CNKSR3: variants seen among roughly 807,000 people sequenced by gnomAD.
CNKSR3 encodes connector enhancer of kinase suppressor of ras 3.
In CNKSR3, 36 loss-of-function variants were observed where a neutral mutation model predicts 67.7. That is an observed-to-expected ratio of 0.53 (90% CI 0.41 to 0.70). The LOEUF (loss-of-function observed/expected upper bound fraction) is 0.70. CNKSR3 is among the 30% of genes least tolerant of loss of function. CNKSR3 has a pLI of 0.00. For synonymous variants in CNKSR3, 281 were observed against 271.4 expected, an observed-to-expected ratio of 1.04 and a Z score of -0.35; for missense variants, 630 against 695.2, an observed-to-expected ratio of 0.91 and a Z score of 1.05.
intron 1 of CNKSR3, among the ~76,000 whole-genome samples, chr6:154,484,744 C>T (rs890687519): frequency 6.6e-6 from 1 of 150,590 alleles, no homozygotes; most frequent in Non-Finnish European, 1.5e-5. Flanking sequence ...CATCTCAAAC[C>T]TAAATATGAT....
chr6:154,507,637 C>T (rs919653156), intron 1 of CNKSR3, among the ~76,000 whole-genome samples: 5 of 152,046 alleles, frequency 3.3e-5, no homozygotes, highest in African/African-American at 9.7e-5. Context: ...TTTTTAGATT[C>T]GAACACAGAA....
chr6:154,492,654 G>A (rs1786802421), intron 1 of CNKSR3, among the ~76,000 whole-genome samples: 1 of 151,152 alleles, frequency 6.6e-6, no homozygotes, highest in Non-Finnish European at 1.5e-5. Context: ...GCTGAGGCAG[G>A]AGAATCTCTT....
intron 2 of CNKSR3, among the ~76,000 whole-genome samples, chr6:154,444,669 G>C (rs1442963580): frequency 6.9e-6 from 1 of 145,210 alleles, no homozygotes; most frequent in African/African-American, 2.6e-5. Flanking sequence ...GCAGTGGTGT[G>C]ATCTCGGCTC....
At chr6:154,462,330 A>G (rs1185081755) in intron 1 of CNKSR3, among the ~76,000 whole-genome samples, 1 of 149,846 alleles carries the variant, frequency 6.7e-6, no homozygotes, top group East Asian at 2.0e-4. Context: ...CTAAGCAACT[A>G]CTAGTCTACT....
chr6:154,427,096 G>A (rs1370748600), intron 7 of CNKSR3, among the ~76,000 whole-genome samples: 1 of 152,160 alleles, frequency 6.6e-6, no homozygotes, highest in Admixed American at 6.5e-5. Flanking sequence ...CAGCTCAACA[G>A]AGAATCCTGA....
intron 12 of CNKSR3, among the ~76,000 whole-genome samples, chr6:154,409,599 C>T (rs1784866475): frequency 6.6e-6 from 1 of 152,124 alleles, no homozygotes; most frequent in African/African-American, 2.4e-5. Flanking sequence ...ACGTCTGTAA[C>T]ACCAGCTATT....
At chr6:154,419,703 A>G (rs1785098891) in intron 9 of CNKSR3, among the ~76,000 whole-genome samples, 1 of 152,210 alleles carries the variant, frequency 6.6e-6, no homozygotes, top group African/African-American at 2.4e-5. Flanking sequence ...GCATTTTTCA[A>G]AACAGCCCAG....
chr6:154,389,650 C>G lies in CNKSR3; in HGVS notation c.*16704G>C, dbSNP rs1204992635. ...ATGACATCGTCTCATATATAGAACG[C>G]CCTAAGACTCCATTTTTTAAACATG... On this transcript the variant is annotated 3_prime_UTR_variant, in exon 13 of 13. Coordinates refer to ENST00000607772, the MANE Select transcript of CNKSR3 (RefSeq NM_173515.4). 6.7e-6 allele frequency: 1 copy of G among 148,420 alleles called. No homozygotes were observed. The highest frequency in any genetic ancestry group is 2.0e-4 in the East Asian group (1 of 4,998). The allele number at this position is 148,420 out of a possible 1,614,324, so 9.2% of individuals were successfully genotyped here. A position where few individuals can be genotyped will look rare whatever the true frequency, so the allele number is the denominator to read the frequency against.
chr6:154,503,319 T>C (rs1787034888), intron 1 of CNKSR3, among the ~76,000 whole-genome samples: 1 of 152,138 alleles, frequency 6.6e-6, no homozygotes, highest in African/African-American at 2.4e-5. Context: ...TTAAAGATTT[T>C]TTTTTAAAGG....
chr6:154,397,956 A>C lies in CNKSR3; in HGVS notation c.*8398T>G, dbSNP rs532574332. ...GCAGAACAGGATTGAATTTCGCTAA[A>C]AAGACAAAGGAAGAAAAAGTATGGT... On this transcript the variant is annotated 3_prime_UTR_variant, in exon 13 of 13. Transcript: ENST00000607772. 6.6e-6 allele frequency: 1 copy of C among 152,476 alleles called. No homozygotes were observed. The highest frequency in any genetic ancestry group is 2.1e-4 in the South Asian group (1 of 4,834). The allele number at this position is 152,476 out of a possible 1,614,324, so 9.4% of individuals were successfully genotyped here.
chr6:154,478,715 C>T (rs1786503663), intron 1 of CNKSR3, among the ~76,000 whole-genome samples: 1 of 152,180 alleles, frequency 6.6e-6, no homozygotes, highest in Non-Finnish European at 1.5e-5. Flanking sequence ...TTGTAAAAAT[C>T]ACTCTCCTTT....
intron 9 of CNKSR3, chr6:154,414,756 T>C (rs769023123): frequency 3.8e-6 from 2 of 526,698 alleles, no homozygotes; most frequent in South Asian, 1.4e-5. Flanking sequence ...ATAATATCTC[T>C]TGCATAGAGC....
rs1049895843 is a variant in CNKSR3 at position 154,403,722 on chromosome 6, C to T, written c.*2632G>A. On this transcript the variant is annotated 3_prime_UTR_variant, in exon 13 of 13. Coordinates refer to ENST00000607772, the MANE Select transcript of CNKSR3 (RefSeq NM_173515.4). ...GTAGAGGAGCCAGGAACTTCTCTCG[C>T]GGGTCCTGGGACTCCAGGGAACAAA... 1.7e-4 allele frequency: 26 copies of T among 152,046 alleles called. No homozygotes were observed. Among genetic ancestry groups the T allele is most frequent in the African/African-American group, 6.0e-4 (25 of 41,392 alleles). 9.4% of individuals were successfully genotyped at this position (152,046 alleles called of 1,614,324 possible).
chr6:154,487,052 C>A (rs1208259945), intron 1 of CNKSR3, among the ~76,000 whole-genome samples: 2 of 152,162 alleles, frequency 1.3e-5, no homozygotes, highest in Non-Finnish European at 2.9e-5. Flanking sequence ...GCTGGGACTA[C>A]AGGCACGTGC....
intron 9 of CNKSR3, among the ~76,000 whole-genome samples, chr6:154,416,947 T>C (rs1400428361): frequency 2.0e-5 from 3 of 152,204 alleles, no homozygotes; most frequent in African/African-American, 4.8e-5. Flanking sequence ...GGCAGGAAAG[T>C]AGGCAAACCA....
intron 1 of CNKSR3, among the ~76,000 whole-genome samples, chr6:154,486,427 G>A (rs1786667450): frequency 6.6e-6 from 1 of 151,700 alleles, no homozygotes; most frequent in Non-Finnish European, 1.5e-5. Context: ...CTCCTGGGTA[G>A]CTGGGATTAC....
At chr6:154,509,991 C>T (rs560735131) in intron 1 of CNKSR3, 72 bp downstream of exon 1, 4 of 1,547,744 alleles carry the variant, frequency 2.6e-6, no homozygotes, top group East Asian at 2.2e-5. Flanking sequence ...GGCCAAGTAC[C>T]CTCTTCCCCA....
chr6:154,452,054 G>A (rs1785846006), intron 1 of CNKSR3, among the ~76,000 whole-genome samples: 1 of 152,208 alleles, frequency 6.6e-6, no homozygotes, highest in South Asian at 2.1e-4. Flanking sequence ...GACACTCAGA[G>A]TCAATCGTCT....
At chr6:154,421,698 T>C (rs1471941049) in intron 9 of CNKSR3, among the ~76,000 whole-genome samples, 1 of 152,216 alleles carries the variant, frequency 6.6e-6, no homozygotes, top group Non-Finnish European at 1.5e-5. Flanking sequence ...GGTGTGATAC[T>C]GTCCCCATGG....
Sources: gnomAD v4.1 joint callset for allele counts (sites outside exome capture counted in the v4.1 genomes callset) on GRCh38, gnomAD v4.1.1 for gene constraint, MANE v1.5 for transcripts, NCBI Gene and HGNC (gene_info 2026-07-23, HGNC 2026-07-21) for gene names.